The following RGS8 variants were observed in gnomAD, a reference collection of about 807,000 sequenced individuals.
The protein encoded by RGS8 is regulator of G-protein signaling 8.
In RGS8, 8 loss-of-function variants were observed where a neutral mutation model predicts 21.7. The ratio of observed to expected loss-of-function variants is 0.37; its 90% CI spans 0.22 to 0.66. The LOEUF (loss-of-function observed/expected upper bound fraction) is 0.66. Ranked by LOEUF, RGS8 falls within the 30% of genes least tolerant of loss-of-function variation. The pLI, the probability that RGS8 is intolerant of heterozygous loss-of-function variation, is 0.59. For synonymous variants in RGS8, 80 were observed against 83.6 expected, an observed-to-expected ratio of 0.96 and a Z score of 0.24; for missense variants, 157 against 217.9, an observed-to-expected ratio of 0.72 and a Z score of 1.76.
At chr1:182,724,375 G>A in the RGS8 span, among the ~76,000 whole-genome samples, 1 of 151,276 alleles carries the variant, frequency 6.6e-6, no homozygotes, top group South Asian at 2.1e-4. Context: ...TGCCTTATTT[G>A]AACATGGGTG....
chr1:182,716,493 T>C, the RGS8 span, among the ~76,000 whole-genome samples: 3 of 152,018 alleles, frequency 2.0e-5, no homozygotes, highest in Non-Finnish European at 4.4e-5. Context: ...TTCTGAATAT[T>C]TTTCATCCAC....
At chr1:182,747,224 T>C in the RGS8 span, among the ~76,000 whole-genome samples, 1 of 151,782 alleles carries the variant, frequency 6.6e-6, no homozygotes, top group Non-Finnish European at 1.5e-5. Flanking sequence ...TTTAGACACA[T>C]GTAATTTCAG....
chr1:182,673,366 CCT>C (rs1175980998), upstream of RGS8, among the ~76,000 whole-genome samples: 4 of 152,144 alleles, frequency 2.6e-5, no homozygotes, highest in African/African-American at 4.8e-5. Flanking sequence ...AGGTGATGTA[CCT>C]TTATCAAAGC....
the RGS8 span, among the ~76,000 whole-genome samples, chr1:182,702,719 C>T: frequency 6.6e-6 from 1 of 152,148 alleles, no homozygotes; most frequent in Non-Finnish European, 1.5e-5. Flanking sequence ...TTCAATTATT[C>T]AATATTGCTA....
chr1:182,655,192 A>T (rs1263773413), intron 5 of RGS8, among the ~76,000 whole-genome samples: 1 of 152,246 alleles, frequency 6.6e-6, no homozygotes, highest in Non-Finnish European at 1.5e-5. Flanking sequence ...CTGCAAAGCC[A>T]GCATTCTCAC....
At chr1:182,671,753 T>G in intron 1 of RGS8, 23 bp from the exon 3 acceptor site, 2 of 1,613,922 alleles carry the variant, frequency 1.2e-6, no homozygotes, top group Non-Finnish European at 1.7e-6. Context: ...TAGATCTTTC[T>G]TTTAGCAGTC....
chr1:182,688,799 G>A (rs768338502), upstream of RGS8, among the ~76,000 whole-genome samples: 4 of 152,176 alleles, frequency 2.6e-5, no homozygotes, highest in Non-Finnish European at 4.4e-5. Context: ...GACCAACCCA[G>A]CTGAAGTTCA....
At chr1:182,695,625 C>CA in the RGS8 span, among the ~76,000 whole-genome samples, 1 of 152,196 alleles carries the variant, frequency 6.6e-6, no homozygotes, top group African/African-American at 2.4e-5. Context: ...CCTGGCTCTA[C>CA]AATTGCTCTT....
chr1:182,700,964 C>G, the RGS8 span, among the ~76,000 whole-genome samples: 1 of 152,184 alleles, frequency 6.6e-6, no homozygotes, highest in Non-Finnish European at 1.5e-5. Context: ...TAAGCTTCCC[C>G]ATTGTAATGA....
chr1:182,646,937 G>T lies in RGS8; in HGVS notation c.361-20C>A. The T allele has an allele frequency of 1.2e-6, 2 of 1,607,256 alleles. No homozygotes were observed. Among genetic ancestry groups the T allele is most frequent in the Non-Finnish European group, 1.7e-6 (2 of 1,177,544 alleles). ...GTTTACCTAGAGATACAAACAGAGA[G>T]CAAGGTCACAGGCCCTCAAGGGCCA... On this transcript the variant is annotated intron_variant, in intron 6 of 6. Transcript: ENST00000483095.
At chr1:182,690,052 C>T in the RGS8 span, among the ~76,000 whole-genome samples, 1 of 152,126 alleles carries the variant, frequency 6.6e-6, no homozygotes, top group Non-Finnish European at 1.5e-5. Flanking sequence ...AGGACAAATC[C>T]CAGCTCAGCC....
At chr1:182,667,112 G>T (rs190304975) in intron 3 of RGS8, 139 bp from the exon 5 acceptor site, 13 of 676,478 alleles carry the variant, frequency 1.9e-5, no homozygotes, top group African/African-American at 1.8e-4. Flanking sequence ...AAGACTTCAT[G>T]AACAGGAAGA....
upstream of RGS8, among the ~76,000 whole-genome samples, chr1:182,677,414 T>G (rs149348267): frequency 4.3e-3 from 662 of 152,356 alleles, 3 homozygotes; most frequent in African/African-American, 0.015. Flanking sequence ...TGTAAAATGG[T>G]AATTAAATTT....
upstream of RGS8, among the ~76,000 whole-genome samples, chr1:182,674,221 A>G (rs1473975653): frequency 6.6e-6 from 1 of 152,242 alleles, no homozygotes; most frequent in Non-Finnish European, 1.5e-5. Flanking sequence ...CCAAGGAAAG[A>G]GAGCAGGGCT....
chr1:182,673,712 T>C (rs1449166882), upstream of RGS8, among the ~76,000 whole-genome samples: 1 of 152,262 alleles, frequency 6.6e-6, no homozygotes, highest in African/African-American at 2.4e-5. Context: ...TCTTGAACCC[T>C]GTTGCTAATT....
At chr1:182,742,749 G>A in the RGS8 span, among the ~76,000 whole-genome samples, 1 of 151,544 alleles carries the variant, frequency 6.6e-6, no homozygotes, top group Non-Finnish European at 1.5e-5. Flanking sequence ...GAGAGGGAGA[G>A]GGACAGGGAC....
downstream of RGS8, chr1:182,642,074 G>A (rs1324731255): frequency 6.6e-6 from 1 of 152,184 alleles, no homozygotes; most frequent in East Asian, 1.9e-4. Context: ...GGACCAGAAG[G>A]GAGTAAGAAT....
chr1:182,721,063 GTA>G, the RGS8 span, among the ~76,000 whole-genome samples: 1 of 72,628 alleles, frequency 1.4e-5, no homozygotes, highest in Non-Finnish European at 2.7e-5. Flanking sequence ...ATATATGTGT[GTA>G]TATATACATA....
the RGS8 span, among the ~76,000 whole-genome samples, chr1:182,727,129 T>C: frequency 6.6e-6 from 1 of 152,320 alleles, no homozygotes; most frequent in Non-Finnish European, 1.5e-5. Flanking sequence ...TTTCTAGGTA[T>C]ATCTCATATA....
Sources: gnomAD v4.1 joint callset for allele counts (sites outside exome capture counted in the v4.1 genomes callset) on GRCh38, gnomAD v4.1.1 for gene constraint, MANE v1.5 for transcripts, NCBI Gene and HGNC (gene_info 2026-07-23, HGNC 2026-07-21) for gene names.